ARHGAP6: variants seen among roughly 807,000 people sequenced by gnomAD.
The protein encoded by ARHGAP6 is Rho GTPase activating protein 6, also known as rho GTPase-activating protein 6.
In ARHGAP6, 16 loss-of-function variants were observed where a neutral mutation model predicts 55.7. The ratio of observed to expected loss-of-function variants is 0.29; its 90% confidence interval spans 0.19 to 0.44. The LOEUF is 0.44. Ranked by LOEUF, ARHGAP6 falls within the 20% of genes least tolerant of loss-of-function variation. ARHGAP6 has a pLI of 1.00. For synonymous variants in ARHGAP6, 382 were observed against 360.9 expected (o/e 1.06, Z -0.66); for missense variants, 698 against 808.9 (o/e 0.86, Z 1.66).
chrX:11,407,126 A>G (rs2049619896), intron 1 of ARHGAP6, among the ~76,000 whole-genome samples: 1 of 111,597 alleles, frequency 9.0e-6, no homozygotes, highest in Non-Finnish European at 1.9e-5. Context: ...GAAACCCCAT[A>G]CCCATTATTA....
At chrX:11,262,851 G>A (rs760476606) in intron 1 of ARHGAP6, among the ~76,000 whole-genome samples, 3 of 110,996 alleles carry the variant, frequency 2.7e-5, no homozygotes, top group South Asian at 3.9e-4. Flanking sequence ...TCTGATCATC[G>A]GTTTTCTCAT....
At chrX:11,532,737 T>G (rs2051064951) in intron 1 of ARHGAP6, among the ~76,000 whole-genome samples, 1 of 112,738 alleles carries the variant, frequency 8.9e-6, no homozygotes, top group Non-Finnish European at 1.9e-5. Flanking sequence ...CACTCATTCA[T>G]TTACATATTG....
At chrX:11,357,650 TCTCTCTGGCCAGCTGC>T (rs2048948658) in intron 1 of ARHGAP6, among the ~76,000 whole-genome samples, 2 of 111,317 alleles carry the variant, frequency 1.8e-5, no homozygotes, top group African/African-American at 6.5e-5. Context: ...GGATATGGGG[TCTCTCTGGCCAGCTGC>T]AAAGATTCTG....
At chrX:11,471,746 G>A (rs149000790) in intron 1 of ARHGAP6, among the ~76,000 whole-genome samples, 1,920 of 111,522 alleles carry the variant, frequency 0.017, 38 homozygotes, top group African/African-American at 0.06. Context: ...GGGATGCAGG[G>A]AATCATCCTT....
intron 1 of ARHGAP6, among the ~76,000 whole-genome samples, chrX:11,322,955 T>A (rs57122638): frequency 1.8e-5 from 2 of 112,212 alleles, no homozygotes; most frequent in East Asian, 2.8e-4. Context: ...AGGAAAACAA[T>A]CTGTTTCTGC....
chrX:11,344,827 G>A (rs1309313662), intron 1 of ARHGAP6, among the ~76,000 whole-genome samples: 1 of 110,544 alleles, frequency 9.0e-6, no homozygotes, highest in African/African-American at 3.3e-5. Flanking sequence ...GTCCAGCCAA[G>A]ACTGCCAAAC....
intron 6 of ARHGAP6, 60 bp from the exon 7 acceptor site, chrX:11,179,512 C>T (rs1460817411): frequency 9.0e-5 from 103 of 1,149,011 alleles, no homozygotes; most frequent in Non-Finnish European, 4.7e-6. Flanking sequence ...GAGCAGTGCC[C>T]AGCAGGAGAA....
chrX:11,189,566 G>T lies in ARHGAP6; in HGVS notation c.821-582C>A, dbSNP rs987526246. On this transcript the variant is annotated intron_variant, in intron 3 of 12. Coordinates refer to ENST00000337414, the MANE Select transcript of ARHGAP6 (RefSeq NM_013427.3). ...GGAAGAAGTCCACTCTGTTTTCGTT[G>T]TGTTCCTCATCCCTACATTCTATTT... Among the ~76,000 whole-genome samples, 3 of 111,626 alleles carry T rather than the reference G, an allele frequency of 2.7e-5. No individual in the cohort carries two copies. In the Admixed American group the frequency reaches 2.8e-4, roughly 11 times the overall value.
At chrX:11,147,047 A>T (rs116254655) in intron 10 of ARHGAP6, among the ~76,000 whole-genome samples, 1,878 of 111,572 alleles carry the variant, frequency 0.017, 37 homozygotes, top group African/African-American at 0.057. Flanking sequence ...TAGATTTTTT[A>T]AAAAAATAGT....
At chrX:11,306,427 A>C (rs976138379) in intron 1 of ARHGAP6, among the ~76,000 whole-genome samples, 2 of 112,829 alleles carry the variant, frequency 1.8e-5, no homozygotes, top group African/African-American at 3.2e-5. Flanking sequence ...TTAGCATTAA[A>C]CACCCAGGAT....
intron 1 of ARHGAP6, among the ~76,000 whole-genome samples, chrX:11,385,427 C>T (rs762337172): frequency 1.8e-5 from 2 of 111,386 alleles, no homozygotes; most frequent in Non-Finnish European, 3.8e-5. Flanking sequence ...TAATCAGGTA[C>T]TAGTAGTAAT....
chrX:11,434,467 C>T (rs2049968946), intron 1 of ARHGAP6, among the ~76,000 whole-genome samples: 1 of 110,787 alleles, frequency 9.0e-6, no homozygotes, highest in Non-Finnish European at 1.9e-5. Context: ...TAAAAATTGG[C>T]CATCTGTGTG....
chrX:11,198,717 T>TA (rs1377986587), intron 2 of ARHGAP6, among the ~76,000 whole-genome samples: 23 of 112,480 alleles, frequency 2.0e-4, no homozygotes, highest in Non-Finnish European at 3.8e-5. Context: ...TTTTAAAAGA[T>TA]AAAATGATTC....
intron 1 of ARHGAP6, among the ~76,000 whole-genome samples, chrX:11,469,186 T>C (rs1383460542): frequency 1.8e-5 from 2 of 112,751 alleles, no homozygotes; most frequent in Non-Finnish European, 3.7e-5. Flanking sequence ...TTAAGTCTTT[T>C]AGAATATGAT....
At chrX:11,589,199 G>A (rs1441957240) in intron 1 of ARHGAP6, among the ~76,000 whole-genome samples, 2 of 107,539 alleles carry the variant, frequency 1.9e-5, no homozygotes, top group Non-Finnish European at 3.8e-5. Flanking sequence ...ATGCCACCAC[G>A]CCCGGCTAAT....
In ARHGAP6 at chrX:11,139,469, T is replaced by C. The variant is rs2045590738; in HGVS notation, c.2319A>G (p.Gln773=). 2.5e-6 allele frequency: 3 copies of C among 1,176,647 alleles called. No homozygotes were observed. The highest frequency in any genetic ancestry group is 3.4e-6 in the Non-Finnish European group (3 of 881,244). ...GAGGCCAATTTGGGGACAGGTTCCC[T>C]TGAGAAAGGGAGCAGGGCCCCGCTC... ...SLRAGPCSLS[Q]GNLSPNWPRW... is the part of the protein sequence containing the mutation. The change falls in exon 13 of 13, where the codon CAA becomes CAG. Residue 773 remains glutamine (Q), a synonymous_variant. Transcript: ENST00000337414.
chrX:11,211,226 T>G (rs1446218887), intron 2 of ARHGAP6, among the ~76,000 whole-genome samples: 9 of 107,220 alleles, frequency 8.4e-5, no homozygotes, highest in Middle Eastern at 4.8e-3. Flanking sequence ...ACTGCTGTTT[T>G]TTTTTTTTTT....
intron 1 of ARHGAP6, among the ~76,000 whole-genome samples, chrX:11,648,908 T>C (rs1454656607): frequency 4.5e-5 from 5 of 112,068 alleles, no homozygotes; most frequent in Admixed American, 9.5e-5. Context: ...GTGCTGCTAG[T>C]GATTCATCTC....
intron 2 of ARHGAP6, among the ~76,000 whole-genome samples, chrX:11,237,384 A>G (rs1271433263): frequency 8.9e-6 from 1 of 112,044 alleles, no homozygotes; most frequent in Non-Finnish European, 1.9e-5. Context: ...TAAAAAGTTA[A>G]GTCCTAATGC....
Sources: allele counts gnomAD v4.1 joint callset (sites outside exome capture counted in the v4.1 genomes callset), GRCh38; gene constraint gnomAD v4.1.1; transcripts MANE v1.5; gene names NCBI Gene and HGNC (gene_info 2026-07-23, HGNC 2026-07-21).